The following ARB2A variants were observed in gnomAD, a reference collection of about 807,000 sequenced individuals.
ARB2A encodes the protein ARB2 cotranscriptional regulator A.
the ARB2A span, among the ~76,000 whole-genome samples, chr5:93,978,534 G>A: frequency 6.6e-6 from 1 of 152,078 alleles, no homozygotes; most frequent in Non-Finnish European, 1.5e-5. Context: ...AATACTACAT[G>A]TTCTCACTTA....
At chr5:93,830,395 T>C in the ARB2A span, among the ~76,000 whole-genome samples, 1 of 147,048 alleles carries the variant, frequency 6.8e-6, no homozygotes, top group Non-Finnish European at 1.5e-5. Flanking sequence ...AGCTCTGCGC[T>C]GGAAGTGTAG....
the ARB2A span, among the ~76,000 whole-genome samples, chr5:93,776,965 T>G: frequency 6.6e-6 from 1 of 152,120 alleles, no homozygotes; most frequent in Admixed American, 6.5e-5. Context: ...CAAGAAAGAA[T>G]AGCCAATTTT....
At chr5:93,730,661 C>T in the ARB2A span, among the ~76,000 whole-genome samples, 4 of 152,128 alleles carry the variant, frequency 2.6e-5, no homozygotes, top group African/African-American at 4.8e-5. Flanking sequence ...AGGCAAGTCA[C>T]CTGACTGTTC....
At chr5:93,866,278 A>G in the ARB2A span, 1 of 982,852 alleles carries the variant, frequency 1.0e-6, no homozygotes, top group Non-Finnish European at 1.2e-6. Flanking sequence ...TAATGTCACA[A>G]TTCAGATATA....
At chr5:93,894,465 A>G in the ARB2A span, among the ~76,000 whole-genome samples, 6 of 152,056 alleles carry the variant, frequency 3.9e-5, no homozygotes, top group Non-Finnish European at 7.4e-5. Flanking sequence ...ATGTATTAAA[A>G]TGTCTCTCAG....
At chr5:93,653,453 A>C in the ARB2A span, among the ~76,000 whole-genome samples, 1 of 132,934 alleles carries the variant, frequency 7.5e-6, no homozygotes, top group Non-Finnish European at 1.6e-5. Flanking sequence ...CGGAGCTTGC[A>C]GTGAGCCAAG....
At chr5:93,876,132 G>A in the ARB2A span, among the ~76,000 whole-genome samples, 21 of 152,104 alleles carry the variant, frequency 1.4e-4, no homozygotes, top group African/African-American at 4.3e-4. Flanking sequence ...TTGTTTCATC[G>A]TTTTACAAAG....
the ARB2A span, among the ~76,000 whole-genome samples, chr5:93,636,289 G>A: frequency 6.6e-6 from 1 of 152,098 alleles, no homozygotes; most frequent in African/African-American, 2.4e-5. Context: ...ACCAATTTGG[G>A]GATAATTGAT....
the ARB2A span, among the ~76,000 whole-genome samples, chr5:94,043,154 A>G: frequency 6.6e-6 from 1 of 152,102 alleles, no homozygotes; most frequent in Non-Finnish European, 1.5e-5. Flanking sequence ...GAATAGAGGA[A>G]AAAAAACTTT....
the ARB2A span, among the ~76,000 whole-genome samples, chr5:93,880,171 T>C: frequency 6.6e-6 from 1 of 151,862 alleles, no homozygotes; most frequent in East Asian, 1.9e-4. Context: ...AATTTAAATA[T>C]TATAATCTGC....
chr5:93,827,146 T>C, the ARB2A span, among the ~76,000 whole-genome samples: 1 of 152,176 alleles, frequency 6.6e-6, no homozygotes, highest in Non-Finnish European at 1.5e-5. Flanking sequence ...GTATTTCTAG[T>C]TCTAGATCCC....
the ARB2A span, among the ~76,000 whole-genome samples, chr5:94,099,979 A>G: frequency 6.6e-6 from 1 of 152,176 alleles, no homozygotes; most frequent in East Asian, 1.9e-4. Flanking sequence ...GCATCCAAAT[A>G]GGAAGAGAGG....
At chr5:93,835,265 C>A in the ARB2A span, among the ~76,000 whole-genome samples, 2 of 152,194 alleles carry the variant, frequency 1.3e-5, no homozygotes, top group African/African-American at 4.8e-5. Context: ...GAGCTGACAG[C>A]ACATGGAATT....
chr5:93,929,162 T>C, the ARB2A span, among the ~76,000 whole-genome samples: 1 of 152,132 alleles, frequency 6.6e-6, no homozygotes, highest in South Asian at 2.1e-4. Flanking sequence ...TGTAAAATAA[T>C]TCTGTTCTTT....
the ARB2A span, among the ~76,000 whole-genome samples, chr5:93,782,290 A>G: frequency 6.6e-6 from 1 of 152,186 alleles, no homozygotes; most frequent in African/African-American, 2.4e-5. Flanking sequence ...ATCCTTGATT[A>G]TCACCTTTGG....
At chr5:94,102,209 T>A in the ARB2A span, among the ~76,000 whole-genome samples, 3 of 151,482 alleles carry the variant, frequency 2.0e-5, no homozygotes, top group African/African-American at 4.9e-5. Context: ...GAATTCAGAA[T>A]CTGGATGGCA....
the ARB2A span, among the ~76,000 whole-genome samples, chr5:93,815,210 A>G: frequency 2.0e-5 from 3 of 152,196 alleles, no homozygotes; most frequent in African/African-American, 7.2e-5. Flanking sequence ...AGCTAAATTC[A>G]TTCAATAGAA....
the ARB2A span, among the ~76,000 whole-genome samples, chr5:94,039,673 C>T: frequency 2.0e-5 from 3 of 152,188 alleles, no homozygotes; most frequent in South Asian, 2.1e-4. Context: ...GGACTCGCCC[C>T]GAATTCTTTC....
the ARB2A span, among the ~76,000 whole-genome samples, chr5:94,075,342 A>C: frequency 6.6e-6 from 1 of 152,072 alleles, no homozygotes; most frequent in Admixed American, 6.6e-5. Flanking sequence ...AGTGTCTGGA[A>C]GCCATCCTCT....
Sources: gnomAD v4.1 joint callset for allele counts (sites outside exome capture counted in the v4.1 genomes callset) on GRCh38, gnomAD v4.1.1 for gene constraint, MANE v1.5 for transcripts, NCBI Gene and HGNC (gene_info 2026-07-23, HGNC 2026-07-21) for gene names.